SPATS2L: variants seen among roughly 807,000 people sequenced by gnomAD.
SPATS2L encodes the protein SPATS2-like protein.
In SPATS2L, 30 loss-of-function variants were observed where a neutral mutation model predicts 59.6. The observed-to-expected ratio is 0.50, with a 90% CI of 0.38 to 0.68. SPATS2L has a LOEUF of 0.68. SPATS2L is among the 30% of genes least tolerant of loss of function. The pLI is 0.00. For missense variants in SPATS2L, 615 were observed against 700.0 expected, an observed-to-expected ratio of 0.88 and a Z score of 1.37; for synonymous variants, 252 against 263.5, an observed-to-expected ratio of 0.96 and a Z score of 0.42.
intron 3 of SPATS2L, among the ~76,000 whole-genome samples, chr2:200,407,142 G>T (rs2082715079): frequency 6.6e-6 from 1 of 152,158 alleles, no homozygotes; most frequent in Admixed American, 6.5e-5. Context: ...GCTAATATAT[G>T]CCAAATTCTA....
At chr2:200,467,890 T>C (rs2086713246) in intron 10 of SPATS2L, among the ~76,000 whole-genome samples, 2 of 152,134 alleles carry the variant, frequency 1.3e-5, no homozygotes, top group Admixed American at 1.3e-4. Flanking sequence ...AAATACGTAT[T>C]TATTAGATTC....
intron 2 of SPATS2L, among the ~76,000 whole-genome samples, chr2:200,339,431 C>CT (rs1334960468): frequency 6.6e-6 from 1 of 152,024 alleles, no homozygotes; most frequent in Admixed American, 6.6e-5. Context: ...CTTAGAATGT[C>CT]TGAGGGTTTG....
chr2:200,445,797 T>C (rs1000134664), intron 8 of SPATS2L, among the ~76,000 whole-genome samples: 1 of 152,172 alleles, frequency 6.6e-6, no homozygotes, highest in African/African-American at 2.4e-5. Context: ...TCTCCAAATT[T>C]TAGCTGCTTT....
At chr2:200,453,205 G>A (rs768400975) in intron 8 of SPATS2L, among the ~76,000 whole-genome samples, 3 of 152,196 alleles carry the variant, frequency 2.0e-5, no homozygotes, top group African/African-American at 2.4e-5. Context: ...AGCATAGAGG[G>A]TGCAGGAGAG....
intron 2 of SPATS2L, among the ~76,000 whole-genome samples, chr2:200,383,497 A>G (rs1227996721): frequency 2.0e-5 from 3 of 152,218 alleles, no homozygotes. Flanking sequence ...GCTTTGCATG[A>G]AAATGACCTG....
At chr2:200,427,548 T>A (rs2106042270) in intron 6 of SPATS2L, among the ~76,000 whole-genome samples, 1 of 149,964 alleles carries the variant, frequency 6.7e-6, no homozygotes, top group South Asian at 2.1e-4. Flanking sequence ...TATTAAGGTA[T>A]TAATGACATA....
intron 3 of SPATS2L, among the ~76,000 whole-genome samples, chr2:200,400,558 A>G (rs1014305016): frequency 6.6e-6 from 1 of 152,222 alleles, no homozygotes; most frequent in Admixed American, 6.5e-5. Flanking sequence ...TCTGATATAA[A>G]AAGTTGATCA....
chr2:200,389,272 G>A lies in SPATS2L; in HGVS notation c.28G>A (p.Val10Ile). 3 of 1,583,882 alleles carry A rather than the reference G, an allele frequency of 1.9e-6. 1 individual carries two copies. The highest frequency in any genetic ancestry group is 2.3e-5 in the South Asian group (2 of 86,272). MAELNTHVN[V>I]KEKIYAVRSV... ...GGCTGAACTCAATACTCATGTGAATGTCAAGGAAAAGGTAAGATCAAGTTA... is the reference window on the plus strand; with the variant it reads ...GGCTGAACTCAATACTCATGTGAATATCAAGGAAAAGGTAAGATCAAGTTA... The change falls in exon 3 of 13, where the codon GTC becomes ATC. Residue 10 changes from valine (V) to isoleucine (I), a missense_variant. Transcript: ENST00000409140.
chr2:200,477,253 C>A (rs1158868804), intron 12 of SPATS2L, among the ~76,000 whole-genome samples: 1 of 152,152 alleles, frequency 6.6e-6, no homozygotes, highest in Non-Finnish European at 1.5e-5. Flanking sequence ...CCCTCTCAGT[C>A]TCTACAGAAT....
chr2:200,470,127 C>A (rs542794622), intron 11 of SPATS2L, 111 bp downstream of exon 11: 1 of 773,540 alleles, frequency 1.3e-6, no homozygotes, highest in Non-Finnish European at 2.1e-6. Context: ...AACGTGAGGT[C>A]TAAAGAGATT....
chr2:200,480,380 T>C lies in SPATS2L; in HGVS notation c.*2349T>C, dbSNP rs1463703688. Reference sequence around the variant, plus strand: ...TGAGACAGGGTCTTGCTCTATCACCTAGGCTGGAGTGCATGTTTTTGAGAC... The same window carrying C: ...TGAGACAGGGTCTTGCTCTATCACCCAGGCTGGAGTGCATGTTTTTGAGAC... On this transcript the variant is annotated 3_prime_UTR_variant, in exon 13 of 13. Coordinates refer to ENST00000409140, the MANE Select transcript of SPATS2L (RefSeq NM_001100423.2). 1.5e-5 allele frequency: 2 copies of C among 134,310 alleles called. No homozygotes were observed. Among genetic ancestry groups the C allele is most frequent in the Non-Finnish European group, 3.1e-5 (2 of 64,218 alleles). 8.3% of individuals were successfully genotyped at this position (134,310 alleles called of 1,614,324 possible).
At chr2:200,323,622 C>T (rs1355804877) in intron 1 of SPATS2L, among the ~76,000 whole-genome samples, 2 of 152,132 alleles carry the variant, frequency 1.3e-5, no homozygotes, top group African/African-American at 4.8e-5. Flanking sequence ...TAGAGTCTCT[C>T]AGAGTTTGGA....
At chr2:200,310,045 A>G (rs993911904) in intron 1 of SPATS2L, among the ~76,000 whole-genome samples, 1 of 152,090 alleles carries the variant, frequency 6.6e-6, no homozygotes, top group Non-Finnish European at 1.5e-5. Context: ...TGATAAAAAA[A>G]TTTTAAATGT....
intron 2 of SPATS2L, among the ~76,000 whole-genome samples, chr2:200,344,581 A>G (rs1304044876): frequency 2.0e-5 from 3 of 152,176 alleles, no homozygotes; most frequent in East Asian, 1.9e-4. Flanking sequence ...CTTTGAGTAT[A>G]TATCCTGTAA....
chr2:200,327,867 C>CAT (rs1345926496), intron 1 of SPATS2L, among the ~76,000 whole-genome samples: 1 of 151,962 alleles, frequency 6.6e-6, no homozygotes, highest in South Asian at 2.1e-4. Flanking sequence ...CGGGCACACA[C>CAT]ACACACACAC....
chr2:200,335,839 T>C (rs1332688278), intron 2 of SPATS2L, among the ~76,000 whole-genome samples: 3 of 152,184 alleles, frequency 2.0e-5, no homozygotes, highest in Non-Finnish European at 2.9e-5. Context: ...GGCAACTGTA[T>C]TGACATTGGC....
At chr2:200,391,141 C>G (rs1449664831) in intron 3 of SPATS2L, among the ~76,000 whole-genome samples, 1 of 152,186 alleles carries the variant, frequency 6.6e-6, no homozygotes, top group Non-Finnish European at 1.5e-5. Context: ...GGCTGGGTGA[C>G]AGAGCAAGAC....
chr2:200,351,915 G>T (rs930911964), intron 2 of SPATS2L, among the ~76,000 whole-genome samples: 5 of 152,102 alleles, frequency 3.3e-5, no homozygotes, highest in African/African-American at 1.2e-4. Context: ...TTTGAGTGTT[G>T]TTCAGTTAAT....
Position 200,412,705 on chromosome 2 carries a change from A to T in SPATS2L, c.148+286A>T, listed in dbSNP as rs16824512. Among the ~76,000 whole-genome samples the T allele has an allele frequency of 0.026, 3,947 of 152,014 alleles. 173 individuals are homozygous for T. The highest frequency in any genetic ancestry group is 0.09 in the African/African-American group (3,738 of 41,426). The stretch of plus-strand genomic sequence containing the variant: ...AAAGACTCTAGATAGTTTTCAAAGG[A>T]TATTGATAATAGTGCTACTAATTTC... On this transcript the variant is annotated intron_variant, in intron 4 of 12. Transcript: ENST00000409140.
Sources: gnomAD v4.1 joint callset for allele counts (sites outside exome capture counted in the v4.1 genomes callset) on GRCh38, gnomAD v4.1.1 for gene constraint, MANE v1.5 for transcripts, NCBI Gene and HGNC (gene_info 2026-07-23, HGNC 2026-07-21) for gene names.